PARP10: variants seen among roughly 807,000 people sequenced by gnomAD.
The protein encoded by PARP10 is protein mono-ADP-ribosyltransferase PARP10.
In PARP10, 56 loss-of-function variants were observed where a neutral mutation model predicts 82.4. That is an observed-to-expected ratio of 0.68 (90% CI 0.55 to 0.85). PARP10 has a LOEUF of 0.85. Ranked by LOEUF, PARP10 falls within the 40% of genes least tolerant of loss-of-function variation. The pLI, the probability that PARP10 is intolerant of heterozygous loss-of-function variation, is 0.00. For synonymous variants in PARP10, 576 were observed against 601.1 expected, an observed-to-expected ratio of 0.96 and a Z score of 0.61; for missense variants, 1,227 against 1,379.4, an observed-to-expected ratio of 0.89 and a Z score of 1.75.
exon 1 of PARP10, chr8:144,012,752 T>C: frequency 6.5e-7 from 1 of 1,548,472 alleles, no homozygotes; most frequent in Non-Finnish European, 8.7e-7. Context: ...CCCAAGAGAG[T>C]GAGGAGGGAA....
At chr8:143,978,793 G>T (rs1228482501) in intron 9 of PARP10, among the ~76,000 whole-genome samples, 2 of 152,042 alleles carry the variant, frequency 1.3e-5, no homozygotes, top group African/African-American at 4.8e-5. Flanking sequence ...GGCATAGCAG[G>T]AGCTCCACCG....
At chr8:144,001,071 G>T (rs536365145) in intron 1 of PARP10, among the ~76,000 whole-genome samples, 6 of 151,766 alleles carry the variant, frequency 4.0e-5, no homozygotes, top group South Asian at 4.2e-4. Flanking sequence ...CTGCCACCAC[G>T]CCTGGCTAAT....
intron 1 of PARP10, among the ~76,000 whole-genome samples, chr8:144,010,148 C>G (rs555597584): frequency 1.3e-5 from 2 of 152,318 alleles, no homozygotes; most frequent in African/African-American, 4.8e-5. Flanking sequence ...CTGGATCTGG[C>G]CCACCTGCTG....
At chr8:143,999,207 T>A (rs1450223777) in intron 1 of PARP10, among the ~76,000 whole-genome samples, 2 of 151,922 alleles carry the variant, frequency 1.3e-5, no homozygotes, top group Non-Finnish European at 2.9e-5. Flanking sequence ...ACCTGGCTAT[T>A]TTTTTTCTTT....
chr8:143,986,201 G>A lies in PARP10; in HGVS notation c.35C>T (p.Ala12Val). 6.2e-7 allele frequency: 1 copy of A among 1,613,706 alleles called. No homozygotes were observed. Among genetic ancestry groups the A allele is most frequent in the Admixed American group, 1.7e-5 (1 of 60,024 alleles). The change falls in exon 2 of 11, where the codon GCA becomes GTA. Residue 12 changes from alanine (A) to valine (V), a missense_variant. Physicochemically the swap from Ala to Val is moderately conservative, Grantham distance 64. Coordinates refer to ENST00000313028, the MANE Select transcript of PARP10 (RefSeq NM_032789.5). ...VAMAEAEAGVAVEVRGLPPAV... is the reference protein window; with the variant it reads ...VAMAEAEAGVVVEVRGLPPAV... ...AGGGGGCAGTCCACGGACCTCCACT[G>A]CCACCCCTGCCTCTGCCTCCGCCAT... is the stretch of plus-strand genomic sequence containing the variant.
At chr8:143,988,129 C>T (rs1554749790), upstream of PARP10, among the ~76,000 whole-genome samples, 1 of 141,662 alleles carries the variant, frequency 7.1e-6, no homozygotes, top group African/African-American at 2.7e-5. Flanking sequence ...ACCCCTCTGG[C>T]ATGATCTCCC....
At chr8:143,999,832 T>C (rs1003119526) in intron 1 of PARP10, among the ~76,000 whole-genome samples, 1 of 152,028 alleles carries the variant, frequency 6.6e-6, no homozygotes, top group Non-Finnish European at 1.5e-5. Flanking sequence ...AAGTGAACTA[T>C]TGGTGAACTG....
intron 9 of PARP10, among the ~76,000 whole-genome samples, chr8:143,982,231 A>T (rs931721270): frequency 2.6e-5 from 4 of 151,958 alleles, no homozygotes; most frequent in African/African-American, 9.7e-5. Context: ...GCACTTTGGG[A>T]GGCCGAGGCG....
intron 1 of PARP10, among the ~76,000 whole-genome samples, chr8:144,009,420 C>T (rs781830025): frequency 1.2e-4 from 19 of 152,276 alleles, no homozygotes; most frequent in African/African-American, 4.1e-4. Flanking sequence ...GTTTTCCTGT[C>T]GCTGTGGGCA....
In PARP10 at chr8:143,977,164, G is replaced by T. The variant is rs1833704266; in HGVS notation, c.*320C>A. On this transcript the variant is annotated 3_prime_UTR_variant, in exon 11 of 11. Transcript: ENST00000313028. ...ACAGAGGTCGCAGTCAGAGTTCCCG[G>T]GTCCCTTCCGCCTGGGTTCACGTTC... 3 of 348,546 alleles carry T rather than the reference G, an allele frequency of 8.6e-6. No individual in the cohort carries two copies. Among genetic ancestry groups the T allele is most frequent in the African/African-American group, 2.2e-5 (1 of 46,430 alleles). 21.6% of individuals were successfully genotyped at this position (348,546 alleles called of 1,614,324 possible). A position where few individuals can be genotyped will look rare whatever the true frequency, so the allele number is the denominator to read the frequency against.
upstream of PARP10, chr8:143,991,345 CT>C: frequency 7.4e-7 from 1 of 1,357,274 alleles, no homozygotes; most frequent in Non-Finnish European, 1.0e-6. Flanking sequence ...CCTGGGGCCC[CT>C]TACCCACAGC....
chr8:143,978,068 G>A lies in PARP10; in HGVS notation c.2570C>T (p.Ser857Leu). The change falls in exon 10 of 11, where the codon TCG becomes TTG. Residue 857 changes from serine (S) to leucine (L), a missense_variant. Transcript: ENST00000313028. ...SIRVVRVERV[S>L]HPLLQQQYEL... ...ATACTGCTGCTGCAGCAGCGGGTGC[G>A]ACACGCGCTCCACCTGCGGGGAAGG... 6.5e-7 allele frequency: 1 copy of A among 1,529,180 alleles called. No homozygotes were observed. Among genetic ancestry groups the A allele is most frequent in the East Asian group, 2.4e-5 (1 of 41,426 alleles). 94.7% of individuals were successfully genotyped at this position (1,529,180 alleles called of 1,614,324 possible).
upstream of PARP10, chr8:143,990,063 C>T (rs1342871653): frequency 6.6e-6 from 1 of 151,144 alleles, no homozygotes; most frequent in East Asian, 1.9e-4. The surrounding 1 kb of genome is among the most constrained non-coding windows in gnomAD (Gnocchi z 5.6). Context: ...GTCACAAGGC[C>T]CCGCTGCGTC....
At chr8:143,991,970 G>C, upstream of PARP10, 1 of 1,613,594 alleles carries the variant, frequency 6.2e-7, no homozygotes, top group South Asian at 1.1e-5. Flanking sequence ...TTGTCCGGGA[G>C]AATGTCTGGA....
intron 9 of PARP10, among the ~76,000 whole-genome samples, chr8:143,982,182 G>C (rs180713097): frequency 2.6e-5 from 4 of 152,142 alleles, no homozygotes; most frequent in African/African-American, 7.2e-5. Flanking sequence ...AGAGTGCCCC[G>C]TGCAAGGCCG....
upstream of PARP10, among the ~76,000 whole-genome samples, chr8:143,993,661 T>C (rs1834136228): frequency 6.6e-6 from 1 of 152,224 alleles, no homozygotes; most frequent in African/African-American, 2.4e-5. Context: ...GTGGCCTGGC[T>C]GTGTCTACCA....
chr8:143,994,810 C>T (rs964452476), upstream of PARP10, among the ~76,000 whole-genome samples: 9 of 152,180 alleles, frequency 5.9e-5, no homozygotes, highest in Non-Finnish European at 1.2e-4. Flanking sequence ...TGAGCAGGTG[C>T]AGTTCCTCCT....
In PARP10 at chr8:143,985,834, T is replaced by C. The variant is rs782595022; in HGVS notation, c.323A>G (p.His108Arg). Residue 108 changes from histidine (H) to arginine (R), a missense_variant, in exon 3 of 11, where the codon CAT (histidine) becomes CGT (arginine). Transcript: ENST00000313028. ...PGTTPQRLEQ[H>R]VQALLRASGL... is the part of the protein sequence containing the mutation. ...CGAGGCCCGCAGCAAGGCCTGGACA[T>C]GCTGCTCCAAGCGCTGGGGCGTGGT... The C allele has an allele frequency of 4.3e-6, 7 of 1,611,232 alleles. No homozygotes were observed. The highest frequency in any genetic ancestry group is 4.5e-5 in the East Asian group (2 of 44,866).
Position 143,983,469 on chromosome 8 carries a change from G to T in PARP10, c.2120C>A (p.Ala707Asp). Residue 707 changes from alanine (A) to aspartate (D), a missense_variant, in exon 8 of 11, where the codon GCC (alanine) becomes GAC (aspartate). Ala to Asp is a moderately radical substitution (Grantham distance 126). Coordinates refer to ENST00000313028, the MANE Select transcript of PARP10 (RefSeq NM_032789.5). ...EPPDGGTDGK[A>D]QLVVHSAFEQ... ...AAAGGCCGAGTGCACCACCAGCTGG[G>T]CCTTGCCATCAGTCCCCCCATCTGG... 6.2e-7 allele frequency: 1 copy of T among 1,606,878 alleles called. No individual in the cohort carries two copies.
Sources: gnomAD v4.1 joint callset for allele counts (sites outside exome capture counted in the v4.1 genomes callset) on GRCh38, gnomAD v4.1.1 for gene constraint, Gnocchi (gnomAD v3.1) non-coding constraint, MANE v1.5 for transcripts, NCBI Gene and HGNC (gene_info 2026-07-23, HGNC 2026-07-21) for gene names.